The following RNF214 variants were observed in gnomAD, a reference collection of about 807,000 sequenced individuals.
RNF214 encodes the protein ring finger protein 214.
A neutral mutation model predicts 75.9 loss-of-function variants in RNF214; 25 were observed. The ratio of observed to expected loss-of-function variants is 0.33; its 90% CI spans 0.24 to 0.46. The LOEUF (loss-of-function observed/expected upper bound fraction) is 0.46, where lower values mean the gene tolerates loss of function less well. Among genes scored for constraint, RNF214 ranks in the 20% least tolerant of loss-of-function variants. RNF214 has a pLI of 1.00. For synonymous variants in RNF214, 314 were observed against 308.8 expected, an observed-to-expected ratio of 1.02 and a Z score of -0.18; for missense variants, 725 against 857.5, an observed-to-expected ratio of 0.85 and a Z score of 1.93.
chr11:117,250,986 C>A (rs1267003785), intron 6 of RNF214, among the ~76,000 whole-genome samples: 6 of 146,722 alleles, frequency 4.1e-5, no homozygotes, highest in Non-Finnish European at 7.5e-5. Context: ...TAGTACAGAA[C>A]AAAATGAAAA....
intron 6 of RNF214, among the ~76,000 whole-genome samples, chr11:117,267,505 A>G (rs1017963489): frequency 6.6e-6 from 1 of 152,048 alleles, no homozygotes; most frequent in African/African-American, 2.4e-5. Flanking sequence ...TGAGCTGAGG[A>G]GTTGGAGACC....
chr11:117,279,848 G>A, intron 6 of RNF214, 60 bp from the exon 7 acceptor site: 1 of 1,331,320 alleles, frequency 7.5e-7, no homozygotes, highest in Non-Finnish European at 1.0e-6. Flanking sequence ...TTTTGCCCTG[G>A]TATCTCTCAA....
intron 6 of RNF214, among the ~76,000 whole-genome samples, chr11:117,248,421 C>T (rs1270773374): frequency 6.6e-6 from 1 of 152,188 alleles, no homozygotes; most frequent in Non-Finnish European, 1.5e-5. Flanking sequence ...ATCATAATAG[C>T]TGTGAATACT....
At chr11:117,242,722 G>T (rs559778476) in intron 4 of RNF214, among the ~76,000 whole-genome samples, 1 of 152,174 alleles carries the variant, frequency 6.6e-6, no homozygotes, top group African/African-American at 2.4e-5. Flanking sequence ...ACGTGGTGGC[G>T]GGTGCCTGTA....
chr11:117,246,770 T>C lies in RNF214; in HGVS notation c.820-39T>C, dbSNP rs753273399. ...GCATCAAAAGAACTAACTTATTTTC[T>C]TTTTTATTTGTGTGCGACTGTAATT... On this transcript the variant is annotated intron_variant, in intron 5 of 14. Coordinates refer to ENST00000300650, the MANE Select transcript of RNF214 (RefSeq NM_207343.4). 3 of 1,478,328 alleles carry C rather than the reference T, an allele frequency of 2.0e-6. No homozygotes were observed. The East Asian group carries it at 6.9e-5, about 34-fold the overall frequency. The allele number at this position is 1,478,328 out of a possible 1,614,324, so 91.6% of individuals were successfully genotyped here. A position where few individuals can be genotyped will look rare whatever the true frequency, so the allele number is the denominator to read the frequency against.
chr11:117,272,394 C>T (rs2033930254), intron 6 of RNF214, among the ~76,000 whole-genome samples: 1 of 152,070 alleles, frequency 6.6e-6, no homozygotes, highest in South Asian at 2.1e-4. Context: ...AGTGAGAACA[C>T]ATGGCCACAG....
chr11:117,269,624 A>C (rs1412956631), intron 6 of RNF214, among the ~76,000 whole-genome samples: 1 of 152,182 alleles, frequency 6.6e-6, no homozygotes, highest in Admixed American at 6.5e-5. Flanking sequence ...CGGCCTCCCA[A>C]AGTACTGGGA....
At chr11:117,275,207 ATGAT>A (rs926424509) in intron 6 of RNF214, among the ~76,000 whole-genome samples, 10 of 152,150 alleles carry the variant, frequency 6.6e-5, no homozygotes, top group African/African-American at 1.9e-4. Flanking sequence ...TTTTTTAAAA[ATGAT>A]TGATAACGGT....
rs2034128481 is a variant in RNF214 at position 117,281,585 on chromosome 11, C to A, written c.1237-15C>A. The stretch of plus-strand genomic sequence containing the variant: ...GAGTCAGTTCAGCAGTAAAAATAAT[C>A]CTTTTTTTTTTTAGGACCAATTTAA... On this transcript the variant is annotated splice_polypyrimidine_tract_variant and intron_variant, in intron 9 of 14. Transcript: ENST00000300650. 3.2e-6 allele frequency: 5 copies of A among 1,547,774 alleles called. No individual in the cohort carries two copies. Among genetic ancestry groups the A allele is most frequent in the South Asian group, 1.1e-5 (1 of 89,508 alleles).
chr11:117,280,362 T>A (rs962407984), intron 8 of RNF214, 103 bp downstream of exon 8: 9 of 786,810 alleles, frequency 1.1e-5, no homozygotes, highest in African/African-American at 1.0e-4. Flanking sequence ...ACTTATTCTA[T>A]CTGCACAGGA....
rs1470057077 is a variant in RNF214, at chr11:117,238,855, A to T, written c.362A>T (p.Asp121Val). 1 of 1,614,058 alleles carries T rather than the reference A, an allele frequency of 6.2e-7. No individual in the cohort carries two copies. Among genetic ancestry groups the T allele is most frequent in the Non-Finnish European group, 8.5e-7 (1 of 1,180,000 alleles). Residue 121 changes from aspartate (D) to valine (V), a missense_variant, in exon 3 of 15, where the codon GAC (aspartate) becomes GTC (valine). Asp to Val is a radical substitution (Grantham distance 152). Transcript: ENST00000300650. Reference protein sequence around the residue: ...DVASTAGEEGDTSLRESLHPV... With the variant: ...DVASTAGEEGVTSLRESLHPV... ...GCCAGCACAGCAGGAGAGGAGGGGG[A>T]CACAAGCCTTCGGGAGAGCCTCCAT...
At chr11:117,236,592 T>C (rs1383898834) in intron 2 of RNF214, among the ~76,000 whole-genome samples, 1 of 152,202 alleles carries the variant, frequency 6.6e-6, no homozygotes, top group Non-Finnish European at 1.5e-5. Flanking sequence ...TCTTTTCCAG[T>C]GTACCTGGGT....
intron 6 of RNF214, among the ~76,000 whole-genome samples, chr11:117,275,353 AAAAC>A (rs1292350596): frequency 2.6e-5 from 4 of 152,216 alleles, no homozygotes; most frequent in African/African-American, 9.6e-5. Context: ...AGGAACTAAA[AAAAC>A]AGGAAGAAAC....
chr11:117,235,217 A>T (rs757564359), intron 2 of RNF214, among the ~76,000 whole-genome samples: 3 of 152,018 alleles, frequency 2.0e-5, no homozygotes, highest in African/African-American at 7.3e-5. Flanking sequence ...TTTTTTTGAG[A>T]TGGAGTCTCA....
At chr11:117,250,134 G>A (rs756186582) in intron 6 of RNF214, among the ~76,000 whole-genome samples, 1 of 152,192 alleles carries the variant, frequency 6.6e-6, no homozygotes, top group Non-Finnish European at 1.5e-5. Context: ...TGGTATGAAA[G>A]CATCTGAAAG....
rs1442031471 is a variant in RNF214, at chr11:117,234,347, C to G, written c.75C>G (p.Ser25=). The change falls in exon 2 of 15, where the codon TCC becomes TCG. Residue 25 remains serine, a synonymous_variant. Transcript: ENST00000300650. ...CGGAATCTTCTAGTTTATGTGCTTC[C>G]AAATCAGACGAAGGTCTCCCAGATG... ...SPPESSSLCA[S]KSDEGLPDGL... is the part of the protein sequence containing the mutation. 6.2e-7 allele frequency: 1 copy of G among 1,614,024 alleles called. No homozygotes were observed. The highest frequency in any genetic ancestry group is 1.7e-5 in the Admixed American group (1 of 60,026).
intron 6 of RNF214, among the ~76,000 whole-genome samples, chr11:117,275,917 A>T (rs1038878773): frequency 9.3e-4 from 142 of 152,316 alleles, no homozygotes; most frequent in African/African-American, 3.2e-3. Flanking sequence ...TACCAAAGCC[A>T]GGAAAGGACA....
intron 5 of RNF214, among the ~76,000 whole-genome samples, chr11:117,244,990 G>C (rs533536952): frequency 1.7e-4 from 26 of 151,342 alleles, no homozygotes; most frequent in African/African-American, 6.0e-4. Flanking sequence ...TCCATGCCCG[G>C]CTCAAACTTT....
intron 6 of RNF214, among the ~76,000 whole-genome samples, chr11:117,261,597 A>AT (rs201577721): frequency 0.013 from 1,908 of 152,040 alleles, 46 homozygotes; most frequent in African/African-American, 0.042. Context: ...TTATCAAATG[A>AT]TTTTTTTCCT....
Sources: gnomAD v4.1 joint callset for allele counts (sites outside exome capture counted in the v4.1 genomes callset) on GRCh38, gnomAD v4.1.1 for gene constraint, MANE v1.5 for transcripts, NCBI Gene and HGNC (gene_info 2026-07-23, HGNC 2026-07-21) for gene names.